SLC24A4: variants seen among roughly 807,000 people sequenced by gnomAD.
SLC24A4 encodes the protein solute carrier family 24 member 4, also known as sodium/potassium/calcium exchanger 4.
In SLC24A4, 53 loss-of-function variants were observed where a neutral mutation model predicts 79.0. The observed-to-expected ratio is 0.67, with a 90% CI of 0.54 to 0.84. The LOEUF (loss-of-function observed/expected upper bound fraction) is 0.84. Ranked by LOEUF, SLC24A4 falls within the 40% of genes least tolerant of loss-of-function variation. SLC24A4 has a pLI of 0.00. For missense variants in SLC24A4, 731 were observed against 822.0 expected, an observed-to-expected ratio of 0.89 and a Z score of 1.35; for synonymous variants, 323 against 323.8, an observed-to-expected ratio of 1.00 and a Z score of 0.03.
At position 92,323,427 on chromosome 14, in the gene SLC24A4, G is replaced by A. The variant is rs1168750780; in HGVS notation, c.-404G>A. Among the ~76,000 whole-genome samples the A allele has an allele frequency of 6.6e-6, 1 of 151,700 alleles. No homozygotes were observed. The highest frequency in any genetic ancestry group is 2.4e-5 in the African/African-American group (1 of 41,336). ...GGGCGCGGCGGCGCGGGGCGCGGGG[G>A]CGCACTGAGTGCTCCCTACGGCGCT... On this transcript the variant is annotated 5_prime_UTR_variant, in exon 1 of 17. Transcript: ENST00000532405. This position sits in a 1 kb window ranked among gnomAD's most constrained non-coding sequence, Gnocchi z 4.9.
At chr14:92,466,688 C>G (rs1268025842) in intron 12 of SLC24A4, among the ~76,000 whole-genome samples, 1 of 152,174 alleles carries the variant, frequency 6.6e-6, no homozygotes, top group Non-Finnish European at 1.5e-5. Context: ...GTATGGGGCT[C>G]TAATCTGACA....
At position 92,497,288 on chromosome 14, in the gene SLC24A4, G is replaced by C. The variant is rs930978522; in HGVS notation, c.*3660G>C. ...GACCCTGACCAAAGGCCGTTCCTGGGCGGCCCAAGGTCCAGGTTTCTTCCA... is the reference window on the plus strand; with the variant it reads ...GACCCTGACCAAAGGCCGTTCCTGGCCGGCCCAAGGTCCAGGTTTCTTCCA... On this transcript the variant is annotated 3_prime_UTR_variant, in exon 17 of 17. Transcript: ENST00000532405. 1 of 152,266 alleles carries C rather than the reference G, an allele frequency of 6.6e-6. No individual in the cohort carries two copies. Among genetic ancestry groups the C allele is most frequent in the Admixed American group, 6.5e-5 (1 of 15,286 alleles). 9.4% of individuals were successfully genotyped at this position (152,266 alleles called of 1,614,324 possible).
chr14:92,449,279 T>G, intron 10 of SLC24A4, 63 bp downstream of exon 10: 1 of 1,422,716 alleles, frequency 7.0e-7, no homozygotes, highest in Non-Finnish European at 9.6e-7. Context: ...TCCTCTTTTG[T>G]GTACACACAC....
intron 2 of SLC24A4, among the ~76,000 whole-genome samples, chr14:92,384,385 T>C (rs1029224732): frequency 6.6e-6 from 1 of 152,156 alleles, no homozygotes; most frequent in African/African-American, 2.4e-5. Context: ...TGATGTTTTT[T>C]TCAGGGATGT....
intron 2 of SLC24A4, among the ~76,000 whole-genome samples, chr14:92,399,531 T>C (rs1889974792): frequency 6.6e-6 from 1 of 152,250 alleles, no homozygotes; most frequent in Non-Finnish European, 1.5e-5. Context: ...TTTCCTGGTG[T>C]TGACTTCTAA....
intron 2 of SLC24A4, among the ~76,000 whole-genome samples, chr14:92,426,501 C>T (rs1026272219): frequency 1.6e-4 from 24 of 152,182 alleles, no homozygotes; most frequent in African/African-American, 5.5e-4. Flanking sequence ...AGTGGTTGCT[C>T]CTGGAAAGAA....
At position 92,500,904 on chromosome 14, in the gene SLC24A4, C is replaced by G. The variant is rs1031591292; in HGVS notation, c.*7276C>G. 6.6e-6 allele frequency: 1 copy of G among 152,312 alleles called. No individual in the cohort carries two copies. The highest frequency in any genetic ancestry group is 2.4e-5 in the African/African-American group (1 of 41,442). The allele number at this position is 152,312 out of a possible 1,614,324, so 9.4% of individuals were successfully genotyped here. The stretch of plus-strand genomic sequence containing the variant: ...ATGCAGCCAGGCCCAGGGGTAGATA[C>G]AGGAGTTGCTAAGGAAGGGGCCGAG... On this transcript the variant is annotated 3_prime_UTR_variant, in exon 17 of 17. Coordinates refer to ENST00000532405, the MANE Select transcript of SLC24A4 (RefSeq NM_153646.4).
intron 2 of SLC24A4, among the ~76,000 whole-genome samples, chr14:92,348,611 A>G (rs1182196041): frequency 6.6e-6 from 1 of 152,182 alleles, no homozygotes. Context: ...GGGGACACAC[A>G]GTAATTACTC....
At chr14:92,486,009 A>G (rs1027410830) in intron 13 of SLC24A4, among the ~76,000 whole-genome samples, 15 of 152,216 alleles carry the variant, frequency 9.9e-5, no homozygotes, top group Admixed American at 4.6e-4. Context: ...ATCTCTGCCT[A>G]TGCAAGATGT....
chr14:92,395,225 G>A (rs183198706), intron 2 of SLC24A4, among the ~76,000 whole-genome samples: 125 of 152,256 alleles, frequency 8.2e-4, no homozygotes, highest in Middle Eastern at 3.4e-3. Flanking sequence ...CACAGTAGGG[G>A]CTCAGGTGCC....
At chr14:92,391,105 C>T (rs563464559) in intron 2 of SLC24A4, among the ~76,000 whole-genome samples, 4 of 152,266 alleles carry the variant, frequency 2.6e-5, no homozygotes, top group Admixed American at 6.5e-5. Context: ...GAGCTGGTCA[C>T]GGGCCCCACC....
At chr14:92,475,781 A>T (rs974573433) in intron 12 of SLC24A4, among the ~76,000 whole-genome samples, 1 of 152,238 alleles carries the variant, frequency 6.6e-6, no homozygotes, top group Non-Finnish European at 1.5e-5. Context: ...TATAAAAAGG[A>T]AACCAGTTTC....
intron 2 of SLC24A4, among the ~76,000 whole-genome samples, chr14:92,351,594 T>G (rs1886874750): frequency 1.3e-5 from 2 of 152,224 alleles, no homozygotes; most frequent in South Asian, 4.1e-4. Context: ...CTGTGGCTCA[T>G]GCATGTAATC....
intron 12 of SLC24A4, among the ~76,000 whole-genome samples, chr14:92,467,424 A>G (rs1894184347): frequency 6.6e-6 from 1 of 152,248 alleles, no homozygotes. Flanking sequence ...TAATGGCCTC[A>G]ACAAAAACCC....
chr14:92,384,168 C>T (rs529844764), intron 2 of SLC24A4, among the ~76,000 whole-genome samples: 4 of 152,122 alleles, frequency 2.6e-5, no homozygotes, highest in African/African-American at 9.7e-5. Context: ...CTCAGAAGAG[C>T]GTGGCAAACA....
At chr14:92,340,235 T>C (rs1886051181) in intron 2 of SLC24A4, among the ~76,000 whole-genome samples, 1 of 152,220 alleles carries the variant, frequency 6.6e-6, no homozygotes, top group African/African-American at 2.4e-5. Flanking sequence ...GGGGTACTAA[T>C]GAGGCTGGGA....
intron 2 of SLC24A4, among the ~76,000 whole-genome samples, chr14:92,431,753 G>A (rs1174042880): frequency 6.6e-6 from 1 of 152,090 alleles, no homozygotes; most frequent in East Asian, 1.9e-4. Context: ...TGAACAAGTA[G>A]AAGTAGCAGC....
chr14:92,406,834 C>A (rs1364164813), intron 2 of SLC24A4, among the ~76,000 whole-genome samples: 1 of 150,714 alleles, frequency 6.6e-6, no homozygotes, highest in Non-Finnish European at 1.5e-5. Context: ...AGACATTTTC[C>A]CCATTGTCTT....
In SLC24A4 at chr14:92,483,538, G is replaced by A. The variant is rs4904940; in HGVS notation, c.1422+692G>A. ...TTTGCTACTGGACTTTTCAGATTTC[G>A]TTGGATGGGAGTTTTGCAGGCAGAG... On this transcript the variant is annotated intron_variant, in intron 13 of 16. Transcript: ENST00000532405. Among the ~76,000 whole-genome samples, 8 of 152,242 alleles carry A rather than the reference G, an allele frequency of 5.3e-5. 3 individuals are homozygous for A. Among genetic ancestry groups the A allele is most frequent in the African/African-American group, 1.9e-4 (8 of 41,496 alleles).
Sources: allele counts gnomAD v4.1 joint callset (sites outside exome capture counted in the v4.1 genomes callset), GRCh38; gene constraint gnomAD v4.1.1; non-coding constraint Gnocchi (gnomAD v3.1); transcripts MANE v1.5; gene names NCBI Gene and HGNC (gene_info 2026-07-23, HGNC 2026-07-21).